Variants in PLXNA4 observed in about 807,000 individuals in gnomAD.
PLXNA4 encodes plexin A4, also known as plexin-A4.
Under a neutral mutation model 191.8 loss-of-function variants are expected in PLXNA4, and 44 were observed. The ratio of observed to expected loss-of-function variants is 0.23; its 90% CI spans 0.18 to 0.29. The LOEUF is 0.29. Ranked by LOEUF, PLXNA4 falls within the 10% of genes least tolerant of loss-of-function variation. The pLI is 1.00. For synonymous variants in PLXNA4, 1,082 were observed against 1,009.5 expected (o/e 1.07, Z -1.36); for missense variants, 1,800 against 2,488.8 (o/e 0.72, Z 5.89).
chr7:132,415,561 A>G (rs973217632), intron 3 of PLXNA4, among the ~76,000 whole-genome samples: 1 of 152,214 alleles, frequency 6.6e-6, no homozygotes, highest in Non-Finnish European at 1.5e-5. Flanking sequence ...TAGTAATACT[A>G]CAGGTTAGAT....
intron 2 of PLXNA4, among the ~76,000 whole-genome samples, chr7:132,588,664 G>GGGAAA (rs1340173730): frequency 2.5e-4 from 31 of 122,522 alleles, no homozygotes; most frequent in Non-Finnish European, 5.2e-4. Context: ...GGGAAGGGAA[G>GGGAAA]GGAAGGGAAG....
chr7:132,635,907 G>T (rs140593788), intron 2 of PLXNA4, among the ~76,000 whole-genome samples: 1 of 152,256 alleles, frequency 6.6e-6, no homozygotes, highest in East Asian at 1.9e-4. Flanking sequence ...TAAATGAATG[G>T]CATGTATTTA....
At chr7:132,336,570 G>A (rs1310203060) in intron 3 of PLXNA4, among the ~76,000 whole-genome samples, 1 of 152,136 alleles carries the variant, frequency 6.6e-6, no homozygotes, top group Non-Finnish European at 1.5e-5. Flanking sequence ...AGATGGGGAA[G>A]GAGCACTTAT....
chr7:132,486,816 TCA>T (rs1361521357), intron 3 of PLXNA4, among the ~76,000 whole-genome samples: 1 of 152,196 alleles, frequency 6.6e-6, no homozygotes, highest in Non-Finnish European at 1.5e-5. Context: ...GTGTCACCTG[TCA>T]CTGCCTGCCT....
At chr7:132,528,171 G>A (rs867601406) in intron 1 of PLXNA4, among the ~76,000 whole-genome samples, 4 of 152,342 alleles carry the variant, frequency 2.6e-5, no homozygotes, top group South Asian at 4.1e-4. Context: ...AGCAGCATGA[G>A]TGCTTGGTTT....
chr7:132,130,497 G>A lies in PLXNA4; in HGVS notation c.5667C>T (p.Leu1889=). 1.2e-6 allele frequency: 2 copies of A among 1,614,212 alleles called. No individual in the cohort carries two copies. Among genetic ancestry groups the A allele is most frequent in the Non-Finnish European group, 1.7e-6 (2 of 1,180,038 alleles). ...LAYKLEQVIT[L]MSLDS is the part of the protein sequence containing the mutation. Reference sequence around the variant, plus strand: ...ACGGTTCTCAGCTGTCTAAGCTCATGAGGGTTATGACTTGTTCTAGTTTGT... The same window carrying A: ...ACGGTTCTCAGCTGTCTAAGCTCATAAGGGTTATGACTTGTTCTAGTTTGT... The change falls in exon 32 of 32, where the codon CTC becomes CTT. Residue 1889 remains leucine, a synonymous_variant. Coordinates refer to ENST00000321063, the MANE Select transcript of PLXNA4 (RefSeq NM_020911.2).
chr7:132,408,181 T>A (rs532122191), intron 3 of PLXNA4, among the ~76,000 whole-genome samples: 86 of 152,268 alleles, frequency 5.6e-4, no homozygotes, highest in African/African-American at 2.0e-3. Context: ...ATTAAGCAGA[T>A]GTTTAAAATT....
At chr7:132,582,992 G>C (rs1233907037) in intron 2 of PLXNA4, among the ~76,000 whole-genome samples, 2 of 152,176 alleles carry the variant, frequency 1.3e-5, no homozygotes, top group Non-Finnish European at 2.9e-5. Context: ...ATCTCAGTGT[G>C]TTACACAGAA....
chr7:132,563,359 T>TCTC (rs1162094997), intron 1 of PLXNA4, among the ~76,000 whole-genome samples: 1 of 19,650 alleles, frequency 5.1e-5, no homozygotes, highest in Non-Finnish European at 9.5e-5. Flanking sequence ...TTCTCCTCCT[T>TCTC]CTCCTCCTCC....
chr7:132,402,566 T>A (rs1055794590), intron 3 of PLXNA4, among the ~76,000 whole-genome samples: 1 of 152,172 alleles, frequency 6.6e-6, no homozygotes, highest in African/African-American at 2.4e-5. Flanking sequence ...GGCAGCTGGC[T>A]AATCATCTTA....
chr7:132,580,104 G>T (rs943843336), upstream of PLXNA4, among the ~76,000 whole-genome samples: 1 of 152,124 alleles, frequency 6.6e-6, no homozygotes, highest in African/African-American at 2.4e-5. Context: ...ACATTCAAAG[G>T]ACATACCATC....
intron 1 of PLXNA4, among the ~76,000 whole-genome samples, chr7:132,544,992 C>T (rs1800235054): frequency 6.6e-6 from 1 of 152,208 alleles, no homozygotes; most frequent in South Asian, 2.1e-4. Flanking sequence ...CAAAGCTCTC[C>T]ACACAACCTG....
intron 2 of PLXNA4, among the ~76,000 whole-genome samples, chr7:132,597,105 G>A (rs187332140): frequency 3.9e-5 from 6 of 152,270 alleles, no homozygotes; most frequent in East Asian, 1.9e-4. Flanking sequence ...TCACCAGCCC[G>A]GTGCTATGGG....
At chr7:132,202,143 G>A (rs564686882) in intron 12 of PLXNA4, among the ~76,000 whole-genome samples, 36 of 152,252 alleles carry the variant, frequency 2.4e-4, no homozygotes, top group African/African-American at 8.4e-4. Flanking sequence ...CATGGCCTGT[G>A]TCCCTTTGGT....
At chr7:132,504,092 ACT>A (rs1266248743) in intron 2 of PLXNA4, among the ~76,000 whole-genome samples, 1 of 152,066 alleles carries the variant, frequency 6.6e-6, no homozygotes, top group African/African-American at 2.4e-5. Flanking sequence ...TGAGGAGGCC[ACT>A]CCTGGCCAAC....
chr7:132,297,160 C>A (rs1584957941), intron 4 of PLXNA4, among the ~76,000 whole-genome samples: 1 of 152,062 alleles, frequency 6.6e-6, no homozygotes, highest in African/African-American at 2.4e-5. Flanking sequence ...GCCACGCTGA[C>A]GAGGATGAAA....
chr7:132,401,942 T>C (rs907325582), intron 3 of PLXNA4, among the ~76,000 whole-genome samples: 1 of 152,080 alleles, frequency 6.6e-6, no homozygotes, highest in African/African-American at 2.4e-5. Flanking sequence ...CTTCAGAATA[T>C]AGTATCGATG....
At chr7:132,325,898 C>T (rs1339673065) in intron 3 of PLXNA4, among the ~76,000 whole-genome samples, 1 of 152,196 alleles carries the variant, frequency 6.6e-6, no homozygotes, top group Non-Finnish European at 1.5e-5. Flanking sequence ...CGGATTCCAA[C>T]ACAGCTGAAA....
chr7:132,126,166 GCATCGTT>G lies in PLXNA4; in HGVS notation c.*4306_*4312del, dbSNP rs1554445506. 1.3e-5 allele frequency: 2 copies of G among 152,370 alleles called. No homozygotes were observed. The highest frequency in any genetic ancestry group is 2.9e-5 in the Non-Finnish European group (2 of 68,188). The allele number at this position is 152,370 out of a possible 1,614,324, so 9.4% of individuals were successfully genotyped here. On this transcript the variant is annotated 3_prime_UTR_variant, in exon 32 of 32. Coordinates refer to ENST00000321063, the MANE Select transcript of PLXNA4 (RefSeq NM_020911.2). ...GGTGCTGAGACCTGGGCCCATCACA[GCATCGTT>G]CACGGCTCTGGAAACAGTGGTAAGG... is the stretch of plus-strand genomic sequence containing the variant.
Sources: allele counts gnomAD v4.1 joint callset (sites outside exome capture counted in the v4.1 genomes callset), GRCh38; gene constraint gnomAD v4.1.1; transcripts MANE v1.5; gene names NCBI Gene and HGNC (gene_info 2026-07-23, HGNC 2026-07-21).